Variants in KLF12 observed in about 807,000 individuals in gnomAD.
KLF12 encodes Krueppel-like factor 12.
Under a neutral mutation model 37.8 loss-of-function variants are expected in KLF12, and 9 were observed. That is an observed-to-expected ratio of 0.24 (90% CI 0.14 to 0.42). The LOEUF (loss-of-function observed/expected upper bound fraction) is 0.42, where lower values mean the gene tolerates loss of function less well. Ranked by LOEUF, KLF12 falls within the 10% of genes least tolerant of loss-of-function variation. The pLI, the probability that KLF12 is intolerant of heterozygous loss-of-function variation, is 1.00. For missense variants in KLF12, 411 were observed against 516.0 expected, an observed-to-expected ratio of 0.80 and a Z score of 1.97; for synonymous variants, 208 against 202.1, an observed-to-expected ratio of 1.03 and a Z score of -0.25.
chr13:73,738,120 TATATACAC>T (rs1566331340), intron 6 of KLF12, among the ~76,000 whole-genome samples: 7 of 70,458 alleles, frequency 9.9e-5, no homozygotes, highest in East Asian at 7.7e-4. Context: ...TATATATATA[TATATACAC>T]ACACACACAT....
intron 7 of KLF12, among the ~76,000 whole-genome samples, chr13:73,710,895 T>C (rs2137649147): frequency 6.6e-6 from 1 of 152,330 alleles, no homozygotes; most frequent in East Asian, 1.9e-4. Context: ...GCTAGGCCTC[T>C]TGAGCCAGTT....
In KLF12 at chr13:74,050,528, C is replaced by G. The variant is rs1421294548; in HGVS notation, c.-31-55475G>C. 2.0e-5 allele frequency among the ~76,000 whole-genome samples: 3 copies of G among 152,212 alleles called. No individual in the cohort carries two copies. In the East Asian group the frequency reaches 5.8e-4, roughly 29 times the overall value. ...CAAGGCAAAGCACACCTGATGGCCC[C>G]AAGAAGATGTACTTGACAGACACCT... On this transcript the variant is annotated intron_variant, in intron 1 of 7. Transcript: ENST00000377669.
At chr13:74,268,953 A>G in the KLF12 span, among the ~76,000 whole-genome samples, 2 of 152,208 alleles carry the variant, frequency 1.3e-5, no homozygotes, top group Admixed American at 1.3e-4. Context: ...AGAAAAATAG[A>G]GTTGCTAGTT....
At chr13:74,002,106 A>C (rs1282375061) in intron 1 of KLF12, among the ~76,000 whole-genome samples, 1 of 152,230 alleles carries the variant, frequency 6.6e-6, no homozygotes, top group Non-Finnish European at 1.5e-5. Flanking sequence ...CAGGTTGCCG[A>C]GTGCCTTACT....
intron 5 of KLF12, among the ~76,000 whole-genome samples, chr13:73,810,982 CTTTTTT>C (rs376490803): frequency 2.2e-5 from 1 of 44,808 alleles, no homozygotes; most frequent in African/African-American, 8.4e-5. Flanking sequence ...ATTTTTCTTT[CTTTTTT>C]TTTTTTTTTT....
At chr13:74,009,537 A>C (rs17061948) in intron 1 of KLF12, among the ~76,000 whole-genome samples, 3,020 of 152,232 alleles carry the variant, frequency 0.02, 78 homozygotes, top group African/African-American at 0.068. Context: ...GCTAGATGGA[A>C]GTGCTATGCC....
intron 6 of KLF12, among the ~76,000 whole-genome samples, chr13:73,728,138 C>T (rs1566323710): frequency 6.6e-6 from 1 of 152,106 alleles, no homozygotes; most frequent in Non-Finnish European, 1.5e-5. Flanking sequence ...TTTTTTTAAC[C>T]ATGTTTTGTA....
chr13:73,941,013 T>A (rs1287360276), intron 3 of KLF12, among the ~76,000 whole-genome samples: 1 of 152,230 alleles, frequency 6.6e-6, no homozygotes, highest in Non-Finnish European at 1.5e-5. Flanking sequence ...CAAGGGCATG[T>A]AGAGTAGCAT....
chr13:73,789,160 T>C (rs1384539591), intron 5 of KLF12, among the ~76,000 whole-genome samples: 1 of 152,182 alleles, frequency 6.6e-6, no homozygotes, highest in Non-Finnish European at 1.5e-5. Flanking sequence ...TGGCAGACCT[T>C]TGTTTTTCCA....
chr13:74,154,217 G>A, the KLF12 span, among the ~76,000 whole-genome samples: 1 of 140,406 alleles, frequency 7.1e-6, no homozygotes, highest in African/African-American at 2.6e-5. Flanking sequence ...CCTGGCAACA[G>A]AGCAAGACTC....
the KLF12 span, among the ~76,000 whole-genome samples, chr13:74,207,343 G>T: frequency 7.1e-3 from 1,084 of 152,290 alleles, 10 homozygotes; most frequent in African/African-American, 0.022. Context: ...TATGGGATGG[G>T]AAAGTACAAT....
chr13:74,225,509 T>C, the KLF12 span, among the ~76,000 whole-genome samples: 1 of 152,172 alleles, frequency 6.6e-6, no homozygotes, highest in Non-Finnish European at 1.5e-5. Context: ...ATTGCGATTA[T>C]TCCTAAAGGG....
chr13:74,013,819 C>T (rs1297019318), intron 1 of KLF12, among the ~76,000 whole-genome samples: 20 of 151,782 alleles, frequency 1.3e-4, no homozygotes, highest in Admixed American at 1.3e-3. Context: ...GACTCAAATT[C>T]ACTGCTTGCA....
chr13:73,807,111 T>C (rs1041338451), intron 5 of KLF12, among the ~76,000 whole-genome samples: 1 of 151,960 alleles, frequency 6.6e-6, no homozygotes, highest in African/African-American at 2.4e-5. Flanking sequence ...AGTTCGAGAC[T>C]AGCCTGGCCA....
chr13:74,242,644 G>A, the KLF12 span, among the ~76,000 whole-genome samples: 1 of 152,196 alleles, frequency 6.6e-6, no homozygotes, highest in African/African-American at 2.4e-5. Context: ...CATGAGGCTA[G>A]TTTCTTTGTG....
chr13:73,743,575 G>A (rs930355253), intron 6 of KLF12, among the ~76,000 whole-genome samples: 1 of 152,058 alleles, frequency 6.6e-6, no homozygotes, highest in Non-Finnish European at 1.5e-5. Context: ...AGAAAAAAAC[G>A]TTCTCCCATT....
At chr13:74,266,760 C>T in the KLF12 span, among the ~76,000 whole-genome samples, 2 of 152,178 alleles carry the variant, frequency 1.3e-5, no homozygotes, top group African/African-American at 4.8e-5. Context: ...AATGATTGTA[C>T]TTCTTAATTC....
chr13:74,089,745 A>C (rs962916011), intron 1 of KLF12, among the ~76,000 whole-genome samples: 2 of 151,368 alleles, frequency 1.3e-5, no homozygotes, highest in African/African-American at 4.9e-5. Flanking sequence ...AAAAAAAAAA[A>C]CATAAATCAA....
intron 4 of KLF12, among the ~76,000 whole-genome samples, chr13:73,829,166 T>C (rs1884013888): frequency 6.6e-6 from 1 of 152,216 alleles, no homozygotes; most frequent in Non-Finnish European, 1.5e-5. Context: ...GTTGTGCATG[T>C]GGTTAAATCA....
Sources: allele counts gnomAD v4.1 joint callset (sites outside exome capture counted in the v4.1 genomes callset), GRCh38; gene constraint gnomAD v4.1.1; transcripts MANE v1.5; gene names NCBI Gene and HGNC (gene_info 2026-07-23, HGNC 2026-07-21).